WDR7: variants seen among roughly 807,000 people sequenced by gnomAD.
The protein encoded by WDR7 is WD repeat domain 7.
A neutral mutation model predicts 169.4 loss-of-function variants in WDR7; 46 were observed. That is an observed-to-expected ratio of 0.27 (90% CI 0.21 to 0.35). The LOEUF (loss-of-function observed/expected upper bound fraction) is 0.35. Among genes scored for constraint, WDR7 ranks in the 10% least tolerant of loss-of-function variants. The probability of loss-of-function intolerance (pLI) is 1.00; values close to 1 mark genes in which losing one functional copy is unlikely to be tolerated. For synonymous variants in WDR7, 612 were observed against 666.8 expected, an observed-to-expected ratio of 0.92 and a Z score of 1.27; for missense variants, 1,534 against 1,859.3, an observed-to-expected ratio of 0.83 and a Z score of 3.22.
At chr18:56,803,784 A>G (rs1401461405) in intron 19 of WDR7, among the ~76,000 whole-genome samples, 1 of 152,170 alleles carries the variant, frequency 6.6e-6, no homozygotes, top group African/African-American at 2.4e-5. Context: ...CCTTGTATCC[A>G]TCATTGAATT....
In WDR7 at chr18:56,880,014, C is replaced by T. The variant is rs373430666; in HGVS notation, c.3375C>T (p.Thr1125=). The change falls in exon 21 of 28, where the codon ACC becomes ACT. Residue 1125 remains threonine (T), a synonymous_variant. Transcript: ENST00000254442. The stretch of plus-strand genomic sequence containing the variant: ...ACGAGGAAAGACGGAAGCAAGCTAC[C>T]GCTATTGTTTTACTTGGAGTAATAG... ...TSYEERRKQA[T]AIVLLGVIGA... is the part of the protein sequence containing the mutation. The T allele has an allele frequency of 4.1e-5, 66 of 1,613,852 alleles. No individual in the cohort carries two copies. The highest frequency in any genetic ancestry group is 5.3e-5 in the Non-Finnish European group (62 of 1,179,982).
At chr18:56,807,901 C>T (rs1029820733) in intron 19 of WDR7, among the ~76,000 whole-genome samples, 3 of 152,100 alleles carry the variant, frequency 2.0e-5, no homozygotes, top group Non-Finnish European at 2.9e-5. Context: ...GGATAAATTT[C>T]TTACAGAAAG....
chr18:56,874,261 T>C (rs2045992393), intron 20 of WDR7, among the ~76,000 whole-genome samples: 1 of 152,172 alleles, frequency 6.6e-6, no homozygotes. Context: ...ACAGAGGCAA[T>C]GATTATTGAT....
intron 26 of WDR7, among the ~76,000 whole-genome samples, chr18:56,979,164 ATAAG>A (rs2047607584): frequency 6.6e-6 from 1 of 152,158 alleles, no homozygotes; most frequent in Non-Finnish European, 1.5e-5. Flanking sequence ...ATTAATATGT[ATAAG>A]TATAGATATT....
At chr18:56,736,706 G>A (rs1476480649) in intron 14 of WDR7, among the ~76,000 whole-genome samples, 1 of 152,068 alleles carries the variant, frequency 6.6e-6, no homozygotes, top group African/African-American at 2.4e-5. Context: ...TTTTGGTAGA[G>A]TTGGTTTGGT....
intron 20 of WDR7, among the ~76,000 whole-genome samples, chr18:56,873,011 T>C (rs1196315711): frequency 6.6e-6 from 1 of 152,236 alleles, no homozygotes; most frequent in Non-Finnish European, 1.5e-5. Context: ...TGAAAAATTA[T>C]AGGAATGAGA....
intron 23 of WDR7, among the ~76,000 whole-genome samples, chr18:56,937,952 G>A (rs1434579846): frequency 6.6e-6 from 1 of 152,178 alleles, no homozygotes; most frequent in Non-Finnish European, 1.5e-5. Context: ...AAAAGAAAAT[G>A]TGAAGAAACT....
At chr18:56,937,769 G>A (rs1246089545) in intron 23 of WDR7, among the ~76,000 whole-genome samples, 2 of 152,102 alleles carry the variant, frequency 1.3e-5, no homozygotes, top group Non-Finnish European at 1.5e-5. Context: ...GGAGTTAGGG[G>A]CACTGATCCC....
At chr18:56,840,639 G>A (rs1245452825) in intron 20 of WDR7, among the ~76,000 whole-genome samples, 1 of 151,882 alleles carries the variant, frequency 6.6e-6, no homozygotes, top group Admixed American at 6.6e-5. Context: ...TGGGCAACAT[G>A]GCAAAACCCT....
At chr18:56,862,345 G>A (rs546610624) in intron 20 of WDR7, among the ~76,000 whole-genome samples, 2 of 151,406 alleles carry the variant, frequency 1.3e-5, no homozygotes, top group East Asian at 3.9e-4. Context: ...TGAATTAACG[G>A]TATATGAATA....
At position 56,781,679 on chromosome 18, in the gene WDR7, A is replaced by G. The variant is rs748574953; in HGVS notation, c.3190+23A>G. 3.2e-6 allele frequency: 5 copies of G among 1,553,784 alleles called. No individual in the cohort carries two copies. In the African/African-American group the frequency reaches 6.9e-5, roughly 22 times the overall value. On this transcript the variant is annotated intron_variant, in intron 19 of 27. Coordinates refer to ENST00000254442, the MANE Select transcript of WDR7 (RefSeq NM_015285.3). ...CACGTAAGAGTTCTCATGCTTCTCT[A>G]CAAAGCTTTGCAGGAATATGTAGAA...
At chr18:56,845,386 A>G (rs2045553256) in intron 20 of WDR7, among the ~76,000 whole-genome samples, 3 of 152,084 alleles carry the variant, frequency 2.0e-5, no homozygotes, top group Admixed American at 1.3e-4. Flanking sequence ...ATGTAAATGT[A>G]TTTGTATTTT....
chr18:56,966,276 G>A (rs572294600), intron 26 of WDR7, among the ~76,000 whole-genome samples: 8 of 152,008 alleles, frequency 5.3e-5, no homozygotes, highest in South Asian at 2.1e-4. Context: ...TAAAAGTTAC[G>A]TCAAGTGTGC....
At chr18:56,736,391 T>C (rs567186200) in intron 14 of WDR7, among the ~76,000 whole-genome samples, 1 of 151,710 alleles carries the variant, frequency 6.6e-6, no homozygotes, top group Non-Finnish European at 1.5e-5. Flanking sequence ...AAATTGAGAG[T>C]TGTTTGTAAA....
At chr18:56,888,684 T>G (rs545425041) in intron 21 of WDR7, among the ~76,000 whole-genome samples, 1 of 152,222 alleles carries the variant, frequency 6.6e-6, no homozygotes, top group African/African-American at 2.4e-5. Context: ...CATTCTTTCA[T>G]TGGGTCTCTT....
intron 20 of WDR7, among the ~76,000 whole-genome samples, chr18:56,857,936 G>GTA (rs1343537842): frequency 6.6e-6 from 1 of 151,948 alleles, no homozygotes; most frequent in African/African-American, 2.4e-5. Context: ...CTACAGTTTG[G>GTA]TACATGACTA....
intron 12 of WDR7, among the ~76,000 whole-genome samples, chr18:56,716,444 T>C (rs1289656160): frequency 1.3e-5 from 2 of 152,182 alleles, no homozygotes; most frequent in Non-Finnish European, 2.9e-5. Context: ...AACAGTTGAA[T>C]TTAAGAATAA....
intron 26 of WDR7, among the ~76,000 whole-genome samples, chr18:57,019,944 G>A (rs963425299): frequency 3.3e-5 from 5 of 152,222 alleles, no homozygotes; most frequent in Admixed American, 2.6e-4. Context: ...AGTACAGGGA[G>A]ATTAATACAA....
At chr18:56,653,976 T>G (rs2024711808) in intron 1 of WDR7, among the ~76,000 whole-genome samples, 1 of 152,220 alleles carries the variant, frequency 6.6e-6, no homozygotes, top group Non-Finnish European at 1.5e-5. Context: ...TCTATACACC[T>G]GCAGGAAGCT....
Sources: gnomAD v4.1 joint callset for allele counts (sites outside exome capture counted in the v4.1 genomes callset) on GRCh38, gnomAD v4.1.1 for gene constraint, MANE v1.5 for transcripts, NCBI Gene and HGNC (gene_info 2026-07-23, HGNC 2026-07-21) for gene names.